The following GABRB2 variants were observed in gnomAD, a reference collection of about 807,000 sequenced individuals.
GABRB2 encodes gamma-aminobutyric acid receptor subunit beta-2.
A neutral mutation model predicts 54.7 loss-of-function variants in GABRB2; 16 were observed. The observed-to-expected ratio is 0.29, with a 90% CI of 0.20 to 0.44. The LOEUF (loss-of-function observed/expected upper bound fraction) is 0.44, where lower values mean the gene tolerates loss of function less well. Ranked by LOEUF, GABRB2 falls within the 20% of genes least tolerant of loss-of-function variation. The pLI, the probability that GABRB2 is intolerant of heterozygous loss-of-function variation, is 1.00. For missense variants in GABRB2, 355 were observed against 644.0 expected, an observed-to-expected ratio of 0.55 and a Z score of 4.86; for synonymous variants, 244 against 233.8, an observed-to-expected ratio of 1.04 and a Z score of -0.40.
chr5:161,294,318 A>G lies in GABRB2; in HGVS notation c.1302T>C (p.Tyr434=). The change falls in exon 10 of 10, where the codon TAT becomes TAC. Residue 434 remains tyrosine (Y), a synonymous_variant. Transcript: ENST00000393959. ...TCCGATACTGGATGCTGGAGGCATC[A>G]TAGGCTAGCATTGTGCTTCTGGGGT... ...LGDPRSTMLA[Y]DASSIQYRKA... 1 of 1,614,142 alleles carries G rather than the reference A, an allele frequency of 6.2e-7. No homozygotes were observed. The highest frequency in any genetic ancestry group is 1.1e-5 in the South Asian group (1 of 91,086).
chr5:161,513,729 C>A (rs1044564512), intron 3 of GABRB2, among the ~76,000 whole-genome samples: 3 of 152,128 alleles, frequency 2.0e-5, no homozygotes, highest in African/African-American at 7.2e-5. Flanking sequence ...GAGGCCTCAG[C>A]ATTCATACAG....
At chr5:161,394,458 C>G (rs1755932298) in intron 5 of GABRB2, among the ~76,000 whole-genome samples, 1 of 151,748 alleles carries the variant, frequency 6.6e-6, no homozygotes, top group Non-Finnish European at 1.5e-5. Flanking sequence ...AAATATCCAG[C>G]AAAACTGATC....
At chr5:161,479,205 T>C (rs1004523595) in intron 3 of GABRB2, among the ~76,000 whole-genome samples, 3 of 152,082 alleles carry the variant, frequency 2.0e-5, no homozygotes, top group Non-Finnish European at 4.4e-5. Flanking sequence ...CCAAAGTGTC[T>C]TTGGGCACAA....
chr5:161,471,307 T>C (rs1346725160), intron 3 of GABRB2, among the ~76,000 whole-genome samples: 3 of 152,004 alleles, frequency 2.0e-5, no homozygotes, highest in Non-Finnish European at 2.9e-5. Flanking sequence ...AGCCAACAAA[T>C]TGCAGATCCA....
chr5:161,479,191 G>T (rs900249464), intron 3 of GABRB2, among the ~76,000 whole-genome samples: 1 of 151,984 alleles, frequency 6.6e-6, no homozygotes, highest in African/African-American at 2.4e-5. Flanking sequence ...TTAAAAAATT[G>T]ACACCAAAGT....
intron 5 of GABRB2, among the ~76,000 whole-genome samples, chr5:161,362,830 A>G (rs1277528823): frequency 1.3e-5 from 2 of 152,318 alleles, no homozygotes; most frequent in South Asian, 2.1e-4. Flanking sequence ...ACAATGAGAT[A>G]CCATCTCACG....
In GABRB2 at chr5:161,512,603, T is replaced by C. The variant is rs193202330; in HGVS notation, c.237+32624A>G. 4.7e-4 allele frequency among the ~76,000 whole-genome samples: 71 copies of C among 152,112 alleles called. No homozygotes were observed. In the East Asian group the frequency reaches 0.013, roughly 27 times the overall value. On this transcript the variant is annotated intron_variant, in intron 3 of 9. Transcript: ENST00000393959. ...AATATTTAAATATAAGACCTCAAACTATAAGAATCTTAGAAGAATACCTAG... is the reference window on the plus strand; with the variant it reads ...AATATTTAAATATAAGACCTCAAACCATAAGAATCTTAGAAGAATACCTAG...
chr5:161,317,997 A>G (rs1236476809), intron 9 of GABRB2, among the ~76,000 whole-genome samples: 1 of 152,090 alleles, frequency 6.6e-6, no homozygotes, highest in East Asian at 1.9e-4. Context: ...TTATAGATGC[A>G]TAAATCGTTA....
chr5:161,311,813 G>C (rs955821020), intron 9 of GABRB2, among the ~76,000 whole-genome samples: 3 of 152,126 alleles, frequency 2.0e-5, no homozygotes, highest in Middle Eastern at 3.2e-3. Context: ...AAGATCCCTA[G>C]GTCATTTTTA....
chr5:161,466,051 T>G (rs1193959333), intron 3 of GABRB2, among the ~76,000 whole-genome samples: 1 of 152,082 alleles, frequency 6.6e-6, no homozygotes, highest in Non-Finnish European at 1.5e-5. Flanking sequence ...AGTTCCTCAA[T>G]GTTTCCATGT....
intron 5 of GABRB2, among the ~76,000 whole-genome samples, chr5:161,350,529 C>A (rs950867105): frequency 6.6e-6 from 1 of 151,996 alleles, no homozygotes; most frequent in Admixed American, 6.6e-5. Context: ...TAAAATACAT[C>A]GAAGATAATA....
chr5:161,505,222 G>A (rs1264315483), intron 3 of GABRB2, among the ~76,000 whole-genome samples: 4 of 151,040 alleles, frequency 2.6e-5, no homozygotes, highest in Non-Finnish European at 5.9e-5. Flanking sequence ...TCAGCCTCCT[G>A]GGTTCAAGTG....
chr5:161,307,302 T>C (rs1460035774), intron 9 of GABRB2, among the ~76,000 whole-genome samples: 5 of 152,200 alleles, frequency 3.3e-5, no homozygotes, highest in Non-Finnish European at 2.9e-5. Flanking sequence ...TCTAAAGGAA[T>C]TTGTTTAACC....
chr5:161,381,886 T>A (rs2113484550), intron 5 of GABRB2, among the ~76,000 whole-genome samples: 1 of 152,276 alleles, frequency 6.6e-6, no homozygotes, highest in South Asian at 2.1e-4. Context: ...GGTGTGCAGA[T>A]CAGATAAAAT....
Position 161,291,550 on chromosome 5 carries a change from G to A in GABRB2, c.*2531C>T, listed in dbSNP as rs965458762. Reference sequence around the variant, plus strand: ...TGTATGCTTTTTACTCTAGGGCATTGCTTCTAAGGTCCCATCTTTTTTCCT... The same window carrying A: ...TGTATGCTTTTTACTCTAGGGCATTACTTCTAAGGTCCCATCTTTTTTCCT... On this transcript the variant is annotated 3_prime_UTR_variant, in exon 10 of 10. Transcript: ENST00000393959. 6 of 152,402 alleles carry A rather than the reference G, an allele frequency of 3.9e-5. No homozygotes were observed. Among genetic ancestry groups the A allele is most frequent in the African/African-American group, 7.2e-5 (3 of 41,418 alleles). 9.4% of individuals were successfully genotyped at this position (152,402 alleles called of 1,614,324 possible).
intron 9 of GABRB2, among the ~76,000 whole-genome samples, chr5:161,324,672 A>T (rs567150588): frequency 1.3e-5 from 2 of 152,096 alleles, no homozygotes; most frequent in East Asian, 3.9e-4. Flanking sequence ...TGATGCTCTT[A>T]TAGGTTATAA....
chr5:161,319,562 C>A (rs1330683441), intron 9 of GABRB2, among the ~76,000 whole-genome samples: 1 of 151,264 alleles, frequency 6.6e-6, no homozygotes, highest in African/African-American at 2.4e-5. Flanking sequence ...GTTGAAAAAT[C>A]AATTTCAAAA....
At chr5:161,466,775 C>A (rs1301925098) in intron 3 of GABRB2, among the ~76,000 whole-genome samples, 1 of 151,974 alleles carries the variant, frequency 6.6e-6, no homozygotes, top group Non-Finnish European at 1.5e-5. Context: ...CTTCGGCCCT[C>A]CCCTTCCCCT....
At chr5:161,494,531 A>T (rs1759172217) in intron 3 of GABRB2, among the ~76,000 whole-genome samples, 1 of 122,134 alleles carries the variant, frequency 8.2e-6, no homozygotes, top group Non-Finnish European at 1.8e-5. Flanking sequence ...ATTTACTGTT[A>T]GGTATGCGTG....
Sources: allele counts gnomAD v4.1 joint callset (sites outside exome capture counted in the v4.1 genomes callset), GRCh38; gene constraint gnomAD v4.1.1; transcripts MANE v1.5; gene names NCBI Gene and HGNC (gene_info 2026-07-23, HGNC 2026-07-21).